KCNQ5: variants seen among roughly 807,000 people sequenced by gnomAD.
KCNQ5 encodes the protein potassium voltage-gated channel subfamily KQT member 5.
In KCNQ5, 30 loss-of-function variants were observed where a neutral mutation model predicts 98.2. The ratio of observed to expected loss-of-function variants is 0.31; its 90% CI spans 0.23 to 0.41. KCNQ5 has a LOEUF of 0.41. Ranked by LOEUF, KCNQ5 falls within the 10% of genes least tolerant of loss-of-function variation. The probability of loss-of-function intolerance (pLI) is 1.00; values close to 1 mark genes in which losing one functional copy is unlikely to be tolerated. For missense variants in KCNQ5, 835 were observed against 1,182.5 expected (o/e 0.71, Z 4.31); for synonymous variants, 458 against 449.4 (o/e 1.02, Z -0.24).
intron 1 of KCNQ5, among the ~76,000 whole-genome samples, chr6:72,961,673 G>C (rs1582094549): frequency 6.6e-6 from 1 of 151,432 alleles, no homozygotes; most frequent in East Asian, 1.9e-4. Context: ...GGCAGGGTTG[G>C]TGGGGATTTG....
chr6:72,822,763 T>A (rs901136128), intron 1 of KCNQ5, among the ~76,000 whole-genome samples: 1 of 152,156 alleles, frequency 6.6e-6, no homozygotes, highest in Non-Finnish European at 1.5e-5. Flanking sequence ...AAATGTATTA[T>A]CTTATAGTTC....
intron 1 of KCNQ5, among the ~76,000 whole-genome samples, chr6:72,718,254 T>C (rs1467382864): frequency 1.3e-5 from 2 of 152,156 alleles, no homozygotes; most frequent in African/African-American, 2.4e-5. Flanking sequence ...TTCCTCTAAG[T>C]TGATCCTAAG....
At chr6:72,984,184 G>GGAGA (rs1768624980) in intron 1 of KCNQ5, among the ~76,000 whole-genome samples, 1 of 152,212 alleles carries the variant, frequency 6.6e-6, no homozygotes, top group Non-Finnish European at 1.5e-5. Context: ...ACTTGAGGAG[G>GGAGA]CAGTGTGTCC....
intron 2 of KCNQ5, among the ~76,000 whole-genome samples, chr6:73,008,039 G>A (rs913748280): frequency 3.7e-4 from 57 of 152,182 alleles, no homozygotes; most frequent in African/African-American, 1.1e-3. Flanking sequence ...ATTCAAATTA[G>A]AGTGTTATAA....
At chr6:73,142,975 C>T (rs1776782223) in intron 10 of KCNQ5, among the ~76,000 whole-genome samples, 1 of 152,100 alleles carries the variant, frequency 6.6e-6, no homozygotes, top group Non-Finnish European at 1.5e-5. Context: ...GTTGCAAAAC[C>T]AAAGTGTCAT....
At chr6:72,792,147 A>G (rs1182046907) in intron 1 of KCNQ5, among the ~76,000 whole-genome samples, 4 of 152,194 alleles carry the variant, frequency 2.6e-5, no homozygotes, top group African/African-American at 9.6e-5. Context: ...TGAGTCTATA[A>G]TTATGGAGAA....
intron 11 of KCNQ5, among the ~76,000 whole-genome samples, chr6:73,174,671 A>T (rs1047317765): frequency 1.3e-5 from 2 of 152,190 alleles, no homozygotes; most frequent in African/African-American, 4.8e-5. Context: ...AGGGAGAGGT[A>T]GTCCAAGAAA....
chr6:73,167,717 T>C (rs924151893), intron 10 of KCNQ5, among the ~76,000 whole-genome samples: 1 of 152,196 alleles, frequency 6.6e-6, no homozygotes, highest in African/African-American at 2.4e-5. Flanking sequence ...ACTAGAAATT[T>C]ATTTCTCACG....
intron 1 of KCNQ5, among the ~76,000 whole-genome samples, chr6:72,912,809 A>T (rs1199902791): frequency 6.6e-6 from 1 of 152,242 alleles, no homozygotes; most frequent in Middle Eastern, 3.2e-3. Context: ...TTTTAAATAG[A>T]TGCTCAGAGA....
intron 1 of KCNQ5, among the ~76,000 whole-genome samples, chr6:72,996,165 T>C (rs1214946629): frequency 6.6e-6 from 1 of 152,174 alleles, no homozygotes; most frequent in East Asian, 1.9e-4. Context: ...AAGATAATGA[T>C]AGAACAGTGC....
At chr6:73,092,482 T>C (rs1324757386) in intron 5 of KCNQ5, among the ~76,000 whole-genome samples, 2 of 152,170 alleles carry the variant, frequency 1.3e-5, no homozygotes, top group African/African-American at 2.4e-5. Flanking sequence ...TGCTTTCAAC[T>C]TTTCCCCATT....
At chr6:72,721,099 T>TA (rs1769931368) in intron 1 of KCNQ5, among the ~76,000 whole-genome samples, 1 of 152,128 alleles carries the variant, frequency 6.6e-6, no homozygotes, top group Non-Finnish European at 1.5e-5. Context: ...TTCCATATTT[T>TA]ATCTACACCT....
At chr6:73,152,383 T>G (rs917701605) in intron 10 of KCNQ5, among the ~76,000 whole-genome samples, 5 of 152,096 alleles carry the variant, frequency 3.3e-5, no homozygotes, top group African/African-American at 7.2e-5. Context: ...TTTCTAGGAG[T>G]TTTAGCTAAT....
chr6:72,796,086 GA>G (rs1287734537), intron 1 of KCNQ5, among the ~76,000 whole-genome samples: 2 of 152,050 alleles, frequency 1.3e-5, no homozygotes, highest in African/African-American at 4.8e-5. Flanking sequence ...ACACTAAATA[GA>G]GAAGTATTTA....
At chr6:72,831,697 G>A (rs1299490227) in intron 1 of KCNQ5, among the ~76,000 whole-genome samples, 1 of 150,628 alleles carries the variant, frequency 6.6e-6, no homozygotes, top group African/African-American at 2.4e-5. Flanking sequence ...CCTGCACATT[G>A]TGCACATGTA....
chr6:72,778,252 A>G (rs1773262653), intron 1 of KCNQ5, among the ~76,000 whole-genome samples: 1 of 152,202 alleles, frequency 6.6e-6, no homozygotes, highest in Non-Finnish European at 1.5e-5. Flanking sequence ...TGTACTGTAT[A>G]CAGGCCAGGC....
chr6:72,860,202 C>G (rs1174728230), intron 1 of KCNQ5, among the ~76,000 whole-genome samples: 1 of 152,188 alleles, frequency 6.6e-6, no homozygotes, highest in Non-Finnish European at 1.5e-5. Context: ...GATGACACTT[C>G]TCCAGCCCTA....
At chr6:72,835,451 G>A (rs535137627) in intron 1 of KCNQ5, among the ~76,000 whole-genome samples, 5 of 152,114 alleles carry the variant, frequency 3.3e-5, no homozygotes, top group African/African-American at 9.6e-5. Context: ...TGTCTAGGAA[G>A]CAAAATTGAC....
rs2154475240 is a variant in KCNQ5 at position 72,717,774 on chromosome 6, T to G, written c.398+95187T>G. Among the ~76,000 whole-genome samples, 2 of 152,282 alleles carry G rather than the reference T, an allele frequency of 1.3e-5. 1 individual carries two copies. The highest frequency in any genetic ancestry group is 4.1e-4 in the South Asian group (2 of 4,828). ...TCCATCTAAGCCACAGAAATAAAAATCGAGTGAATACTTTTGTTTATGTAC... is the reference window on the plus strand; with the variant it reads ...TCCATCTAAGCCACAGAAATAAAAAGCGAGTGAATACTTTTGTTTATGTAC... On this transcript the variant is annotated intron_variant, in intron 1 of 13. Transcript: ENST00000370398.
Sources: allele counts gnomAD v4.1 joint callset (sites outside exome capture counted in the v4.1 genomes callset), GRCh38; gene constraint gnomAD v4.1.1; transcripts MANE v1.5; gene names NCBI Gene and HGNC (gene_info 2026-07-23, HGNC 2026-07-21).